The following OTOA variants were observed in gnomAD, a reference collection of about 807,000 sequenced individuals.
The protein encoded by OTOA is cancer/testis antigen 108.
A neutral mutation model predicts 110.8 loss-of-function variants in OTOA; 70 were observed. That is an observed-to-expected ratio of 0.63 (90% CI 0.52 to 0.77). The LOEUF is 0.77. OTOA is among the 30% of genes least tolerant of loss of function. OTOA has a pLI of 0.00. For missense variants in OTOA, 917 were observed against 1,075.8 expected (o/e 0.85, Z 2.06); for synonymous variants, 373 against 431.5 (o/e 0.86, Z 1.68).
rs567380975 is a variant in OTOA at position 21,706,126 on chromosome 16, T to C, written c.1104+834T>C. On this transcript the variant is annotated intron_variant, in intron 12 of 28. Transcript: ENST00000646100. Reference sequence around the variant, plus strand: ...GAAAAGAAAAGAAAGGGACAGCTACTTCGAACTTAAATATGCATACAGATC... The same window carrying C: ...GAAAAGAAAAGAAAGGGACAGCTACCTCGAACTTAAATATGCATACAGATC... Among the ~76,000 whole-genome samples the C allele has an allele frequency of 5.9e-5, 9 of 152,244 alleles. 1 individual carries two copies. In the East Asian group the frequency reaches 1.3e-3, roughly 23 times the overall value.
chr16:21,689,808 C>T (rs948607065), intron 8 of OTOA, among the ~76,000 whole-genome samples: 1 of 152,082 alleles, frequency 6.6e-6, no homozygotes, highest in African/African-American at 2.4e-5. Flanking sequence ...GTCTCAGCCT[C>T]CCAAGTAGCT....
At chr16:21,714,180 A>T (rs893803277) in intron 13 of OTOA, among the ~76,000 whole-genome samples, 1 of 152,054 alleles carries the variant, frequency 6.6e-6, no homozygotes, top group African/African-American at 2.4e-5. Context: ...AGGAAAAAAA[A>T]CCCAAGTATA....
intron 14 of OTOA, among the ~76,000 whole-genome samples, chr16:21,716,102 T>C (rs1412227410): frequency 6.6e-6 from 1 of 151,890 alleles, no homozygotes; most frequent in African/African-American, 2.4e-5. Flanking sequence ...GGTCTTGCCA[T>C]GTTGCCCAGG....
intron 21 of OTOA, among the ~76,000 whole-genome samples, chr16:21,732,211 C>T (rs2141725326): frequency 6.6e-6 from 1 of 152,350 alleles, no homozygotes; most frequent in East Asian, 1.9e-4. Flanking sequence ...AGTGATCTGC[C>T]CGCCTCGGCC....
At chr16:21,672,327 A>C (rs1326638655) in intron 1 of OTOA, among the ~76,000 whole-genome samples, 1 of 152,134 alleles carries the variant, frequency 6.6e-6, no homozygotes, top group Non-Finnish European at 1.5e-5. Flanking sequence ...ATTTATTTAA[A>C]AAATTGACAT....
intron 21 of OTOA, among the ~76,000 whole-genome samples, chr16:21,734,560 G>A (rs1487461246): frequency 6.6e-6 from 1 of 152,190 alleles, no homozygotes; most frequent in Non-Finnish European, 1.5e-5. Context: ...AAAAGGGCCA[G>A]GTGCAGTGGC....
At chr16:21,679,558 C>A (rs945130482) in intron 5 of OTOA, among the ~76,000 whole-genome samples, 1 of 151,992 alleles carries the variant, frequency 6.6e-6, no homozygotes, top group African/African-American at 2.4e-5. Flanking sequence ...GTACCTGTCA[C>A]CATGCCCGGC....
intron 13 of OTOA, among the ~76,000 whole-genome samples, chr16:21,714,369 CT>C (rs1898469009): frequency 4.3e-5 from 5 of 117,106 alleles, no homozygotes; most frequent in Non-Finnish European, 9.6e-5. Flanking sequence ...CTCTTTCTTT[CT>C]CTCTCTTTCT....
At chr16:21,733,526 G>A (rs1899183378) in intron 21 of OTOA, among the ~76,000 whole-genome samples, 3 of 151,850 alleles carry the variant, frequency 2.0e-5, no homozygotes, top group African/African-American at 4.8e-5. Flanking sequence ...AGAAAGGGGA[G>A]CTACATAGGC....
intron 12 of OTOA, among the ~76,000 whole-genome samples, chr16:21,707,835 G>T (rs1898238116): frequency 8.2e-6 from 1 of 121,646 alleles, no homozygotes; most frequent in Non-Finnish European, 1.6e-5. Context: ...TCGCTCTGTT[G>T]CCAGGCTGGA....
chr16:21,684,761 TATTA>T (rs1567366247), intron 6 of OTOA, among the ~76,000 whole-genome samples: 3 of 52,630 alleles, frequency 5.7e-5, no homozygotes, highest in African/African-American at 1.4e-4. Flanking sequence ...TTATTATTAT[TATTA>T]TTTTTTAGGT....
intron 8 of OTOA, among the ~76,000 whole-genome samples, chr16:21,688,129 C>A (rs1215106775): frequency 6.6e-6 from 1 of 152,098 alleles, no homozygotes; most frequent in African/African-American, 2.4e-5. Flanking sequence ...GTAGCTCACA[C>A]CTGTGATCCC....
At chr16:21,722,118 C>T (rs1177691955) in intron 17 of OTOA, among the ~76,000 whole-genome samples, 1 of 148,306 alleles carries the variant, frequency 6.7e-6, no homozygotes, top group Non-Finnish European at 1.5e-5. Context: ...AAAAATTAGC[C>T]GTGCATGGTG....
intron 9 of OTOA, among the ~76,000 whole-genome samples, chr16:21,692,183 C>T (rs763105683): frequency 4.6e-5 from 7 of 151,930 alleles, no homozygotes; most frequent in African/African-American, 1.7e-4. Flanking sequence ...AAAGATTAAC[C>T]GGGCGTGGTG....
At chr16:21,695,872 T>G (rs1450271014) in intron 9 of OTOA, among the ~76,000 whole-genome samples, 5 of 38,192 alleles carry the variant, frequency 1.3e-4, no homozygotes, top group African/African-American at 5.1e-4. Flanking sequence ...TTGAGATATA[T>G]ATATATATAT....
intron 13 of OTOA, among the ~76,000 whole-genome samples, chr16:21,711,038 G>A (rs1249640805): frequency 6.6e-6 from 1 of 152,066 alleles, no homozygotes; most frequent in South Asian, 2.1e-4. Context: ...CAAATCAGTA[G>A]CACTTATCCT....
At chr16:21,704,682 A>G (rs1356285350) in intron 11 of OTOA, among the ~76,000 whole-genome samples, 1 of 152,142 alleles carries the variant, frequency 6.6e-6, no homozygotes, top group Admixed American at 6.6e-5. Flanking sequence ...CCCATGCGCA[A>G]TGGAAAACCA....
intron 9 of OTOA, among the ~76,000 whole-genome samples, chr16:21,695,230 C>CA (rs560315375): frequency 1.3e-3 from 197 of 146,926 alleles, no homozygotes; most frequent in African/African-American, 4.5e-3. Flanking sequence ...TGAGACCCCC[C>CA]CCCCCCATAC....
At chr16:21,669,378 C>G (rs1046036238) in intron 1 of OTOA, among the ~76,000 whole-genome samples, 3 of 151,744 alleles carry the variant, frequency 2.0e-5, no homozygotes, top group African/African-American at 7.3e-5. Flanking sequence ...GAAGAACAAA[C>G]AAAAAAGCAA....
Sources: gnomAD v4.1 joint callset for allele counts (sites outside exome capture counted in the v4.1 genomes callset) on GRCh38, gnomAD v4.1.1 for gene constraint, MANE v1.5 for transcripts, NCBI Gene and HGNC (gene_info 2026-07-23, HGNC 2026-07-21) for gene names.